DISC1: variants seen among roughly 807,000 people sequenced by gnomAD.
DISC1 encodes DISC1 scaffold protein.
A neutral mutation model predicts 84.5 loss-of-function variants in DISC1; 57 were observed. That is an observed-to-expected ratio of 0.67 (90% CI 0.55 to 0.84). DISC1 has a LOEUF of 0.84. DISC1 is among the 40% of genes least tolerant of loss of function. The pLI is 0.00. For missense variants in DISC1, 1,000 were observed against 1,057.8 expected (o/e 0.95, Z 0.76); for synonymous variants, 411 against 415.2 (o/e 0.99, Z 0.12).
At chr1:231,975,858 A>G (rs2102845900) in intron 10 of DISC1, among the ~76,000 whole-genome samples, 1 of 152,290 alleles carries the variant, frequency 6.6e-6, no homozygotes, top group South Asian at 2.1e-4. Context: ...GATGATGAAA[A>G]ATTACTTATG....
intron 9 of DISC1, among the ~76,000 whole-genome samples, chr1:231,898,346 A>C (rs1200142432): frequency 6.6e-6 from 1 of 152,208 alleles, no homozygotes; most frequent in Non-Finnish European, 1.5e-5. Context: ...GGGGTGGGCC[A>C]GTTCTGGAGT....
At chr1:231,682,093 C>G (rs1448576627) in intron 1 of DISC1, among the ~76,000 whole-genome samples, 1 of 152,124 alleles carries the variant, frequency 6.6e-6, no homozygotes, top group Admixed American at 6.5e-5. Flanking sequence ...AGCTTATATA[C>G]TGTTTTCATA....
chr1:231,732,388 T>C (rs1216387444), intron 3 of DISC1, among the ~76,000 whole-genome samples: 1 of 152,146 alleles, frequency 6.6e-6, no homozygotes, highest in Non-Finnish European at 1.5e-5. Context: ...TGCAAATCGA[T>C]CCCAGACAGA....
rs143647961 is a variant in DISC1 at position 232,031,148 on chromosome 1, GGAGA to G, written c.2425+4609_2425+4612del. Reference sequence around the variant, plus strand: ...AAGGAAGGAAGGAAGGAGGGAGAGAGGAGAGAGAGAGAGAGAACAGGAAGGAAGG... The same window carrying G: ...AAGGAAGGAAGGAAGGAGGGAGAGAGGAGAGAGAGAGAACAGGAAGGAAGG... On this transcript the variant is annotated intron_variant, in intron 12 of 12. Transcript: ENST00000439617. This position sits in a 1 kb window ranked among gnomAD's most constrained non-coding sequence, Gnocchi z 4.6. 2.4e-4 allele frequency among the ~76,000 whole-genome samples: 35 copies of G among 144,280 alleles called. No individual in the cohort carries two copies. Among genetic ancestry groups the G allele is most frequent in the African/African-American group, 7.3e-4 (28 of 38,208 alleles). The allele number at this position is 144,280 out of a possible 152,430, so 94.7% of individuals were successfully genotyped here.
At chr1:232,033,329 T>A (rs1013692896) in intron 12 of DISC1, among the ~76,000 whole-genome samples, 1 of 152,168 alleles carries the variant, frequency 6.6e-6, no homozygotes, top group African/African-American at 2.4e-5. Context: ...TCTAGCCACC[T>A]CTCCTACCTC....
intron 1 of DISC1, among the ~76,000 whole-genome samples, chr1:231,650,287 G>T (rs1378873845): frequency 6.6e-6 from 1 of 152,176 alleles, no homozygotes; most frequent in Non-Finnish European, 1.5e-5. Context: ...GCATTTGCTT[G>T]TCTGTAAAGG....
At chr1:231,730,760 C>G (rs927154988) in intron 3 of DISC1, among the ~76,000 whole-genome samples, 1 of 152,076 alleles carries the variant, frequency 6.6e-6, no homozygotes, top group Non-Finnish European at 1.5e-5. Context: ...ACCTAATAAA[C>G]TTCAGTTTTC....
At chr1:231,745,749 T>C (rs1356432395) in intron 3 of DISC1, among the ~76,000 whole-genome samples, 1 of 152,176 alleles carries the variant, frequency 6.6e-6, no homozygotes, top group East Asian at 1.9e-4. Context: ...CTCTTACTTC[T>C]ATGACATCAA....
chr1:231,782,556 G>T (rs553486050), intron 6 of DISC1, among the ~76,000 whole-genome samples: 5 of 152,238 alleles, frequency 3.3e-5, no homozygotes, highest in South Asian at 4.2e-4. Context: ...AAAGTACAAC[G>T]TTTTTGGCAA....
chr1:231,870,838 G>A (rs1035348497), intron 9 of DISC1, among the ~76,000 whole-genome samples: 1 of 152,134 alleles, frequency 6.6e-6, no homozygotes, highest in Non-Finnish European at 1.5e-5. Context: ...CTGGTGAAAT[G>A]ACTTAATTTA....
intron 10 of DISC1, among the ~76,000 whole-genome samples, chr1:231,990,489 A>G (rs965480052): frequency 6.6e-6 from 1 of 152,008 alleles, no homozygotes; most frequent in Non-Finnish European, 1.5e-5. Flanking sequence ...GATAGGAAAC[A>G]TATGTGATTG....
chr1:231,928,922 C>G (rs2090497874), intron 9 of DISC1, among the ~76,000 whole-genome samples: 1 of 152,112 alleles, frequency 6.6e-6, no homozygotes, highest in African/African-American at 2.4e-5. Flanking sequence ...GTCTGAGAGA[C>G]AGTTTGTTAT....
intron 10 of DISC1, among the ~76,000 whole-genome samples, chr1:231,995,439 A>G (rs1665800623): frequency 6.6e-6 from 1 of 151,908 alleles, no homozygotes; most frequent in Non-Finnish European, 1.5e-5. Flanking sequence ...TGCTGCACCC[A>G]TTAACTCGTC....
At chr1:231,763,226 G>A (rs1183833258) in intron 4 of DISC1, among the ~76,000 whole-genome samples, 2 of 152,142 alleles carry the variant, frequency 1.3e-5, no homozygotes, top group Non-Finnish European at 2.9e-5. Flanking sequence ...TGTCTGCATG[G>A]CCATGGGCTA....
At chr1:231,834,872 A>C (rs12406166) in intron 9 of DISC1, among the ~76,000 whole-genome samples, 2 of 151,946 alleles carry the variant, frequency 1.3e-5, no homozygotes, top group East Asian at 1.9e-4. Context: ...TCATGCAGAC[A>C]TCCCCGTGTG....
rs1169419713 is a variant in DISC1, at chr1:231,713,620, C to T, written c.1117+11596C>T. Among the ~76,000 whole-genome samples the T allele has an allele frequency of 4.7e-5, 7 of 148,674 alleles. 1 individual carries two copies. Among genetic ancestry groups the T allele is most frequent in the African/African-American group, 5.0e-5 (2 of 40,268 alleles). On this transcript the variant is annotated intron_variant, in intron 3 of 12. Transcript: ENST00000439617. The stretch of plus-strand genomic sequence containing the variant: ...AAATTATTGAGTTTAAAGAGCAGAA[C>T]GCAAAAGTAACGAAGAGAAGTAAAG...
At chr1:231,970,967 G>A (rs1419723944) in intron 10 of DISC1, among the ~76,000 whole-genome samples, 1 of 152,226 alleles carries the variant, frequency 6.6e-6, no homozygotes, top group Non-Finnish European at 1.5e-5. Flanking sequence ...GGAAGGCAGT[G>A]TCTTGTGTAG....
chr1:231,930,376 G>A (rs1015104733), intron 9 of DISC1, among the ~76,000 whole-genome samples: 2 of 152,172 alleles, frequency 1.3e-5, no homozygotes, highest in Non-Finnish European at 2.9e-5. Context: ...TTGTTTACGT[G>A]TGCCAGGGAT....
At chr1:231,942,537 T>C (rs756480740) in intron 9 of DISC1, among the ~76,000 whole-genome samples, 7 of 152,218 alleles carry the variant, frequency 4.6e-5, no homozygotes, top group Non-Finnish European at 1.0e-4. Flanking sequence ...TGGTGTCACA[T>C]GCCTGTAGTC....
Sources: gnomAD v4.1 joint callset for allele counts (sites outside exome capture counted in the v4.1 genomes callset) on GRCh38, gnomAD v4.1.1 for gene constraint, Gnocchi (gnomAD v3.1) non-coding constraint, MANE v1.5 for transcripts, NCBI Gene and HGNC (gene_info 2026-07-23, HGNC 2026-07-21) for gene names.